The following JAZF1 variants were observed in gnomAD, a reference collection of about 807,000 sequenced individuals.
JAZF1 encodes juxtaposed with another zinc finger protein 1.
A neutral mutation model predicts 26.4 loss-of-function variants in JAZF1; 8 were observed. That is an observed-to-expected ratio of 0.30 (90% CI 0.18 to 0.55). The LOEUF (loss-of-function observed/expected upper bound fraction) is 0.55, where lower values mean the gene tolerates loss of function less well. Ranked by LOEUF, JAZF1 falls within the 20% of genes least tolerant of loss-of-function variation. The probability of loss-of-function intolerance (pLI) is 0.94; values close to 1 mark genes in which losing one functional copy is unlikely to be tolerated. For synonymous variants in JAZF1, 126 were observed against 122.3 expected, an observed-to-expected ratio of 1.03 and a Z score of -0.20; for missense variants, 199 against 322.0, an observed-to-expected ratio of 0.62 and a Z score of 2.92.
At chr7:27,955,450 G>A (rs139539523) in intron 2 of JAZF1, among the ~76,000 whole-genome samples, 12 of 152,272 alleles carry the variant, frequency 7.9e-5, no homozygotes, top group South Asian at 2.1e-4. Context: ...GCTTTCTAGC[G>A]TGTTTTCCTG....
intron 3 of JAZF1, among the ~76,000 whole-genome samples, chr7:27,851,189 C>T (rs955573880): frequency 2.0e-5 from 3 of 152,170 alleles, no homozygotes; most frequent in Non-Finnish European, 2.9e-5. Context: ...GTGATCCACC[C>T]GCCTCGGCCT....
At chr7:28,005,897 A>G (rs1020366387) in intron 1 of JAZF1, among the ~76,000 whole-genome samples, 1 of 152,018 alleles carries the variant, frequency 6.6e-6, no homozygotes, top group Non-Finnish European at 1.5e-5. Flanking sequence ...AAAAAAAAAA[A>G]AAGGCTTAAA....
chr7:27,984,373 G>A (rs138349323), intron 2 of JAZF1, among the ~76,000 whole-genome samples: 1 of 152,156 alleles, frequency 6.6e-6, no homozygotes, highest in Non-Finnish European at 1.5e-5. Context: ...TTACATAATG[G>A]TAAAGGGATC....
chr7:28,023,671 C>T (rs748389960), intron 1 of JAZF1, among the ~76,000 whole-genome samples: 2 of 152,156 alleles, frequency 1.3e-5, no homozygotes, highest in Non-Finnish European at 2.9e-5. Context: ...TTTTAGAATG[C>T]GTGTTAATGA....
At chr7:27,997,603 T>G (rs1490799942) in intron 1 of JAZF1, among the ~76,000 whole-genome samples, 1 of 152,226 alleles carries the variant, frequency 6.6e-6, no homozygotes, top group Non-Finnish European at 1.5e-5. Flanking sequence ...CTTGCTCTAT[T>G]GCTCAGCTGG....
rs1188730949 is a variant in JAZF1 at position 27,840,640 on chromosome 7, TCCATGAAGCTTG to T, written c.555+46_555+57del. ...TAAAATCAAGAAAGGGCTGCTGCCT[TCCATGAAGCTTG>T]CCCTGTTTCCATGTGGTTATGCCAA... On this transcript the variant is annotated intron_variant, in intron 4 of 4. Transcript: ENST00000283928. This position sits in a 1 kb window ranked among gnomAD's most constrained non-coding sequence, Gnocchi z 5.1. 2 of 1,560,478 alleles carry T rather than the reference TCCATGAAGCTTG, an allele frequency of 1.3e-6. No homozygotes were observed. Among genetic ancestry groups the T allele is most frequent in the African/African-American group, 2.7e-5 (2 of 73,470 alleles).
intron 1 of JAZF1, among the ~76,000 whole-genome samples, chr7:28,110,147 C>A (rs142364691): frequency 2.0e-5 from 3 of 151,992 alleles, no homozygotes; most frequent in South Asian, 2.1e-4. Context: ...AAGTTTAGGC[C>A]GGGCATGGTG....
intron 1 of JAZF1, among the ~76,000 whole-genome samples, chr7:28,162,206 C>T (rs1411142739): frequency 1.3e-5 from 2 of 152,214 alleles, no homozygotes; most frequent in Non-Finnish European, 2.9e-5. Flanking sequence ...AGAATTATAG[C>T]TAGGCCATGC....
In JAZF1 at chr7:27,832,317, C is replaced by G. The variant is rs899517892; in HGVS notation, c.*483G>C. 1.4e-5 allele frequency: 3 copies of G among 214,862 alleles called. No individual in the cohort carries two copies. Among genetic ancestry groups the G allele is most frequent in the Admixed American group, 5.9e-5 (1 of 17,088 alleles). 13.3% of individuals were successfully genotyped at this position (214,862 alleles called of 1,614,324 possible). On this transcript the variant is annotated 3_prime_UTR_variant, in exon 5 of 5. Transcript: ENST00000283928. ...CCATTACCTAAAGTCTTTCTACTCACAAATACTAACTCCATTATGTAAGGC... is the reference window on the plus strand; with the variant it reads ...CCATTACCTAAAGTCTTTCTACTCAGAAATACTAACTCCATTATGTAAGGC...
At chr7:28,093,397 C>T (rs1784333653) in intron 1 of JAZF1, among the ~76,000 whole-genome samples, 1 of 152,248 alleles carries the variant, frequency 6.6e-6, no homozygotes, top group South Asian at 2.1e-4. Flanking sequence ...TGAGGCCTCC[C>T]CAGCTACACG....
chr7:28,177,481 AAC>A (rs1437252828), intron 1 of JAZF1, among the ~76,000 whole-genome samples: 1 of 152,198 alleles, frequency 6.6e-6, no homozygotes, highest in Non-Finnish European at 1.5e-5. Flanking sequence ...CCAAGCAAGA[AAC>A]ACACCATATT....
chr7:27,865,507 C>G (rs1783457289), intron 3 of JAZF1, among the ~76,000 whole-genome samples: 1 of 152,192 alleles, frequency 6.6e-6, no homozygotes, highest in Admixed American at 6.5e-5. Context: ...CCATCAGAAT[C>G]TAGTTTATAG....
intron 1 of JAZF1, among the ~76,000 whole-genome samples, chr7:28,099,735 C>CA (rs1341062115): frequency 2.6e-5 from 4 of 152,334 alleles, no homozygotes; most frequent in African/African-American, 9.6e-5. Context: ...CTCAGCCTCC[C>CA]AAAGTGCTGG....
intron 2 of JAZF1, among the ~76,000 whole-genome samples, chr7:27,970,631 A>G (rs1785358335): frequency 6.6e-6 from 1 of 152,214 alleles, no homozygotes; most frequent in Non-Finnish European, 1.5e-5. Context: ...ATTGTAGCAG[A>G]TATCTCAAAA....
chr7:28,105,979 T>A (rs1321854365), intron 1 of JAZF1, among the ~76,000 whole-genome samples: 1 of 152,166 alleles, frequency 6.6e-6, no homozygotes, highest in Non-Finnish European at 1.5e-5. Flanking sequence ...TGAGGTAGCA[T>A]GGGAAACTGT....
At chr7:27,989,155 C>T (rs1297980059) in intron 2 of JAZF1, among the ~76,000 whole-genome samples, 1 of 152,118 alleles carries the variant, frequency 6.6e-6, no homozygotes, top group Non-Finnish European at 1.5e-5. Flanking sequence ...ACCATCTGAT[C>T]TTTGACAAAC....
At chr7:27,963,718 C>T (rs1293078187) in intron 2 of JAZF1, among the ~76,000 whole-genome samples, 1 of 58,250 alleles carries the variant, frequency 1.7e-5, no homozygotes, top group African/African-American at 8.1e-5. Flanking sequence ...CACGTCACCA[C>T]ACCGGTTTTG....
At chr7:27,903,127 G>A (rs376645745) in intron 2 of JAZF1, among the ~76,000 whole-genome samples, 40 of 152,074 alleles carry the variant, frequency 2.6e-4, no homozygotes, top group African/African-American at 9.2e-4. Context: ...TTTGGGGCAC[G>A]GAATATTAGG....
At chr7:27,860,008 G>A (rs962196386) in intron 3 of JAZF1, among the ~76,000 whole-genome samples, 1 of 152,154 alleles carries the variant, frequency 6.6e-6, no homozygotes, top group African/African-American at 2.4e-5. Flanking sequence ...TTTGAACTGT[G>A]GTGGGAGGAG....
Sources: gnomAD v4.1 joint callset for allele counts (sites outside exome capture counted in the v4.1 genomes callset) on GRCh38, gnomAD v4.1.1 for gene constraint, Gnocchi (gnomAD v3.1) non-coding constraint, MANE v1.5 for transcripts, NCBI Gene and HGNC (gene_info 2026-07-23, HGNC 2026-07-21) for gene names.